The following DOCK11 variants were observed in gnomAD, a reference collection of about 807,000 sequenced individuals.
The protein encoded by DOCK11 is dedicator of cytokinesis 11, also known as dedicator of cytokinesis protein 11.
Under a neutral mutation model 169.1 loss-of-function variants are expected in DOCK11, and 70 were observed. The ratio of observed to expected loss-of-function variants is 0.41; its 90% CI spans 0.34 to 0.51. The LOEUF (loss-of-function observed/expected upper bound fraction) is 0.51. Ranked by LOEUF, DOCK11 falls within the 20% of genes least tolerant of loss-of-function variation. The probability of loss-of-function intolerance (pLI) is 0.10; values close to 1 mark genes in which losing one functional copy is unlikely to be tolerated. For synonymous variants in DOCK11, 529 were observed against 541.3 expected (o/e 0.98, Z 0.32); for missense variants, 1,166 against 1,538.8 (o/e 0.76, Z 4.05).
At chrX:118,681,485 T>C (rs946645147) in intron 50 of DOCK11, among the ~76,000 whole-genome samples, 1 of 112,819 alleles carries the variant, frequency 8.9e-6, no homozygotes, top group East Asian at 2.8e-4. Flanking sequence ...TATGTACATA[T>C]CAGAAATCAC....
rs1047289058 is a variant in DOCK11, at chrX:118,562,225, C to A, written c.693+708C>A. ...ATTTTTCCATCTTGATTGATGGCAT[C>A]TCCGTCCTCCGAAACATCTACACTA... On this transcript the variant is annotated intron_variant, in intron 7 of 52. Coordinates refer to ENST00000276202, the MANE Select transcript of DOCK11 (RefSeq NM_144658.4). 5.5e-5 allele frequency among the ~76,000 whole-genome samples: 6 copies of A among 108,177 alleles called. No individual in the cohort carries two copies. In the South Asian group the frequency reaches 2.4e-3, roughly 44 times the overall value. The allele number at this position is 108,177 out of a possible 115,157, so 93.9% of individuals were successfully genotyped here. A position where few individuals can be genotyped will look rare whatever the true frequency, so the allele number is the denominator to read the frequency against.
rs766718965 is a variant in DOCK11 at position 118,685,796 on chromosome X, G to A, written c.6211G>A (p.Ala2071Thr). The A allele has an allele frequency of 1.9e-5, 23 of 1,209,355 alleles. No individual in the cohort carries two copies. The highest frequency in any genetic ancestry group is 8.8e-5 in the Admixed American group (4 of 45,644). ...CCGAGGTTATGGTTCCCCAAGATAC[G>A]CTGAAGTGTGAGGAAATGCAGATGT... ...SDRGYGSPRY[A>T]EV The change falls in exon 53 of 53, where the codon GCT becomes ACT. Residue 2071 changes from alanine to threonine, a missense_variant. Ala to Thr is a moderately conservative substitution (Grantham distance 58). Coordinates refer to ENST00000276202, the MANE Select transcript of DOCK11 (RefSeq NM_144658.4).
At chrX:118,561,607 G>A in intron 7 of DOCK11, 90 bp downstream of exon 7, 2 of 946,960 alleles carry the variant, frequency 2.1e-6, no homozygotes, top group Non-Finnish European at 2.8e-6. Context: ...GGTGGCTTAT[G>A]CCTGTAATCC....
intron 23 of DOCK11, among the ~76,000 whole-genome samples, chrX:118,602,179 T>C (rs1248676746): frequency 9.4e-6 from 1 of 105,938 alleles, no homozygotes; most frequent in Non-Finnish European, 1.9e-5. Flanking sequence ...AACTGGTTAG[T>C]AGCAGAACTG....
intron 52 of DOCK11, among the ~76,000 whole-genome samples, chrX:118,685,091 A>G (rs900415906): frequency 2.2e-4 from 25 of 111,932 alleles, no homozygotes; most frequent in African/African-American, 7.8e-4. Context: ...ATTTAAACTA[A>G]TACGAATATC....
At chrX:118,647,654 A>G (rs1374275826) in intron 40 of DOCK11, among the ~76,000 whole-genome samples, 1 of 58,466 alleles carries the variant, frequency 1.7e-5, no homozygotes, top group Non-Finnish European at 2.9e-5. Context: ...ATATGTTTAT[A>G]TATTATATAT....
chrX:118,500,631 T>G (rs930186980), intron 1 of DOCK11, among the ~76,000 whole-genome samples: 22 of 108,888 alleles, frequency 2.0e-4, no homozygotes, highest in African/African-American at 6.7e-4. Flanking sequence ...GTTTATGTAT[T>G]TTTTTTTTGA....
chrX:118,542,224 T>C (rs1272955473), intron 1 of DOCK11, among the ~76,000 whole-genome samples: 1 of 107,906 alleles, frequency 9.3e-6, no homozygotes, highest in African/African-American at 3.4e-5. Context: ...TGCCCAGATA[T>C]AAGTGGCACA....
intron 1 of DOCK11, among the ~76,000 whole-genome samples, chrX:118,511,333 G>A (rs1190464521): frequency 9.0e-6 from 1 of 111,681 alleles, no homozygotes; most frequent in Non-Finnish European, 1.9e-5. Flanking sequence ...TAGGAAAACA[G>A]TTTCAATTCT....
At chrX:118,542,428 C>A (rs2012045319) in intron 1 of DOCK11, among the ~76,000 whole-genome samples, 1 of 110,663 alleles carries the variant, frequency 9.0e-6, no homozygotes, top group Non-Finnish European at 1.9e-5. Flanking sequence ...TCCTCAGCCT[C>A]CCAAAGTACT....
At chrX:118,582,717 A>G (rs1205704183) in intron 14 of DOCK11, among the ~76,000 whole-genome samples, 1 of 111,929 alleles carries the variant, frequency 8.9e-6, no homozygotes, top group Non-Finnish European at 1.9e-5. Flanking sequence ...ATGCAAATCA[A>G]AACCGCAACG....
intron 23 of DOCK11, among the ~76,000 whole-genome samples, chrX:118,603,711 G>A (rs772092374): frequency 1.2e-4 from 14 of 112,184 alleles, no homozygotes; most frequent in African/African-American, 4.2e-4. Flanking sequence ...TTTGTTTTTG[G>A]TGTGCTTGGC....
At chrX:118,638,278 C>T (rs905567453) in intron 37 of DOCK11, 151 bp downstream of exon 37, 67 of 515,427 alleles carry the variant, frequency 1.3e-4, no homozygotes, top group Middle Eastern at 5.2e-4. Flanking sequence ...AAAGTTTAAA[C>T]GAATGGGAAC....
intron 1 of DOCK11, among the ~76,000 whole-genome samples, chrX:118,532,576 C>G (rs1333151926): frequency 9.2e-5 from 10 of 109,063 alleles, no homozygotes; most frequent in African/African-American, 3.3e-4. Context: ...GTCAGGAGAT[C>G]GAGACCATCC....
chrX:118,528,224 A>G (rs1325582114), intron 1 of DOCK11, among the ~76,000 whole-genome samples: 4 of 112,371 alleles, frequency 3.6e-5, no homozygotes, highest in Non-Finnish European at 7.5e-5. Flanking sequence ...AGTTGATCCC[A>G]GGGCTTGTAT....
At chrX:118,607,446 G>T (rs2014558656) in intron 24 of DOCK11, among the ~76,000 whole-genome samples, 1 of 63,851 alleles carries the variant, frequency 1.6e-5, no homozygotes, top group Non-Finnish European at 2.8e-5. Flanking sequence ...TTTTGAGACA[G>T]AGTCTCGCTC....
intron 1 of DOCK11, among the ~76,000 whole-genome samples, chrX:118,513,376 G>A (rs2057662097): frequency 8.9e-6 from 1 of 112,281 alleles, no homozygotes; most frequent in Non-Finnish European, 1.9e-5. Context: ...CATCTGGCAA[G>A]GTTGTCCCCT....
intron 52 of DOCK11, among the ~76,000 whole-genome samples, chrX:118,683,791 G>C (rs1192350797): frequency 8.9e-6 from 1 of 112,001 alleles, no homozygotes; most frequent in East Asian, 2.8e-4. Context: ...TTGAAGCATG[G>C]ATTTTTCAAA....
intron 52 of DOCK11, among the ~76,000 whole-genome samples, chrX:118,684,935 G>A (rs1293343755): frequency 8.9e-6 from 1 of 111,902 alleles, no homozygotes; most frequent in Non-Finnish European, 1.9e-5. Flanking sequence ...TGAGAACCAA[G>A]TATTGAAAGC....
Sources: gnomAD v4.1 joint callset for allele counts (sites outside exome capture counted in the v4.1 genomes callset) on GRCh38, gnomAD v4.1.1 for gene constraint, MANE v1.5 for transcripts, NCBI Gene and HGNC (gene_info 2026-07-23, HGNC 2026-07-21) for gene names.